Variants in SMOC2 observed in about 807,000 individuals in gnomAD.
SMOC2 encodes SPARC related modular calcium binding 2.
A neutral mutation model predicts 61.4 loss-of-function variants in SMOC2; 39 were observed. That is an observed-to-expected ratio of 0.64 (90% CI 0.49 to 0.83). SMOC2 has a LOEUF of 0.83. Ranked by LOEUF, SMOC2 falls within the 40% of genes least tolerant of loss-of-function variation. The pLI is 0.00. For missense variants in SMOC2, 556 were observed against 592.9 expected (o/e 0.94, Z 0.65); for synonymous variants, 247 against 239.9 (o/e 1.03, Z -0.27).
chr6:168,573,287 C>T (rs6907356), intron 7 of SMOC2, among the ~76,000 whole-genome samples: 7 of 41,890 alleles, frequency 1.7e-4, no homozygotes, highest in Admixed American at 2.1e-4. Flanking sequence ...GCGATGTTCA[C>T]TTCCTCCCCG....
chr6:168,617,759 A>T (rs1432868248), intron 9 of SMOC2, among the ~76,000 whole-genome samples: 1 of 152,222 alleles, frequency 6.6e-6, no homozygotes, highest in Non-Finnish European at 1.5e-5. Flanking sequence ...CTGGCTCCAG[A>T]TTAAATGTGA....
chr6:168,531,869 G>A (rs1314794968), intron 4 of SMOC2, among the ~76,000 whole-genome samples: 1 of 152,102 alleles, frequency 6.6e-6, no homozygotes. Context: ...AAAATTCTTG[G>A]GGCCTTGAAT....
chr6:168,558,754 T>C (rs1309170734), intron 7 of SMOC2, among the ~76,000 whole-genome samples: 1 of 152,110 alleles, frequency 6.6e-6, no homozygotes, highest in Non-Finnish European at 1.5e-5. Flanking sequence ...TGAATGTGTG[T>C]GTGTTTGTGC....
chr6:168,621,006 A>G (rs907269919), intron 9 of SMOC2, among the ~76,000 whole-genome samples: 2 of 149,878 alleles, frequency 1.3e-5, no homozygotes, highest in East Asian at 3.8e-4. Context: ...CTGGCTTGTG[A>G]TGAATAACCA....
chr6:168,579,154 A>G (rs1363338923), intron 7 of SMOC2, among the ~76,000 whole-genome samples: 1 of 152,240 alleles, frequency 6.6e-6, no homozygotes, highest in Non-Finnish European at 1.5e-5. Context: ...CCCAGGTCAC[A>G]CTGTGTCCTG....
chr6:168,518,691 T>C (rs1003118490), intron 2 of SMOC2, among the ~76,000 whole-genome samples: 5 of 149,828 alleles, frequency 3.3e-5, no homozygotes, highest in African/African-American at 4.9e-5. Context: ...TGTGAATGTG[T>C]ATGAGCGTGC....
At chr6:168,481,085 A>C (rs998657213) in intron 1 of SMOC2, among the ~76,000 whole-genome samples, 1 of 152,180 alleles carries the variant, frequency 6.6e-6, no homozygotes, top group African/African-American at 2.4e-5. Context: ...GAAATGCTAA[A>C]GGGAGTCCTG....
In SMOC2 at chr6:168,664,058, T is replaced by C; in HGVS notation, c.1286-16T>C. On this transcript the variant is annotated splice_polypyrimidine_tract_variant and intron_variant, in intron 11 of 12. Transcript: ENST00000356284. ...AGTCTCTGATTTTTAATAATATCTT[T>C]TTTTTTTCCTGCTAGCCCCCAGAGG... 1 of 1,594,594 alleles carries C rather than the reference T, an allele frequency of 6.3e-7. No homozygotes were observed. Among genetic ancestry groups the C allele is most frequent in the Non-Finnish European group, 8.5e-7 (1 of 1,172,474 alleles).
chr6:168,567,925 G>A lies in SMOC2; in HGVS notation c.637+18722G>A, dbSNP rs1429615416. ...AGGCAAAGACCGGATGGTGTGAGTC[G>A]GTGTCTCATATTAGAATTTAGTGCA... On this transcript the variant is annotated intron_variant, in intron 7 of 12. Transcript: ENST00000356284. 3.3e-5 allele frequency among the ~76,000 whole-genome samples: 5 copies of A among 151,362 alleles called. No homozygotes were observed. In the East Asian group the frequency reaches 5.8e-4, roughly 18 times the overall value.
At chr6:168,583,630 G>A (rs776523082) in intron 7 of SMOC2, among the ~76,000 whole-genome samples, 9 of 152,142 alleles carry the variant, frequency 5.9e-5, no homozygotes, top group Non-Finnish European at 1.2e-4. Context: ...AGAGGCACAC[G>A]AAAGCCGGGC....
chr6:168,511,158 G>A (rs1222458251), intron 2 of SMOC2, among the ~76,000 whole-genome samples: 1 of 152,186 alleles, frequency 6.6e-6, no homozygotes, highest in Non-Finnish European at 1.5e-5. Context: ...ATCTAAGTGT[G>A]TGTAAGTACA....
intron 7 of SMOC2, among the ~76,000 whole-genome samples, chr6:168,560,024 G>T (rs1428674151): frequency 1.3e-5 from 2 of 152,210 alleles, no homozygotes; most frequent in East Asian, 3.8e-4. Context: ...ATGGTGTGGT[G>T]CATGAATGTG....
chr6:168,527,400 CA>C, intron 3 of SMOC2, among the ~76,000 whole-genome samples: 1 of 152,348 alleles, frequency 6.6e-6, no homozygotes, highest in African/African-American at 2.4e-5. Flanking sequence ...GTCCAGCCCA[CA>C]CTAGCAGTCA....
chr6:168,643,724 C>T (rs1357909467), intron 9 of SMOC2, among the ~76,000 whole-genome samples: 5 of 152,222 alleles, frequency 3.3e-5, no homozygotes, highest in Non-Finnish European at 7.3e-5. Context: ...CTCTACCCCC[C>T]AGCAAGGTCA....
chr6:168,464,728 T>G (rs1781791668), intron 1 of SMOC2, among the ~76,000 whole-genome samples: 1 of 152,230 alleles, frequency 6.6e-6, no homozygotes, highest in South Asian at 2.1e-4. Flanking sequence ...ATAGTAATGT[T>G]TTGAAGGTTT....
At chr6:168,569,418 T>C (rs762537293) in intron 7 of SMOC2, among the ~76,000 whole-genome samples, 1 of 152,128 alleles carries the variant, frequency 6.6e-6, no homozygotes, top group Non-Finnish European at 1.5e-5. Context: ...TTTGTAGATA[T>C]ATTTTGGACA....
intron 7 of SMOC2, among the ~76,000 whole-genome samples, chr6:168,598,084 G>C (rs555710027): frequency 6.6e-6 from 1 of 152,358 alleles, no homozygotes; most frequent in African/African-American, 2.4e-5. Context: ...TGCACAGGCT[G>C]AGTATGAATA....
In SMOC2 at chr6:168,544,872, C is replaced by T. The variant is rs553492405; in HGVS notation, c.511+1200C>T. Reference sequence around the variant, plus strand: ...TGTCAGGCTTTCTGTCCAGAGGGTGCCTACCAAGGATGAGGCAGGACTGGC... The same window carrying T: ...TGTCAGGCTTTCTGTCCAGAGGGTGTCTACCAAGGATGAGGCAGGACTGGC... On this transcript the variant is annotated intron_variant, in intron 5 of 12. Coordinates refer to ENST00000356284, the MANE Select transcript of SMOC2 (RefSeq NM_001166412.2). The surrounding 1 kb of genome is among the most constrained non-coding windows in gnomAD (Gnocchi z 4.1). Among the ~76,000 whole-genome samples the T allele has an allele frequency of 2.0e-4, 31 of 152,144 alleles. No homozygotes were observed. Among genetic ancestry groups the T allele is most frequent in the South Asian group, 6.2e-4 (3 of 4,812 alleles).
At chr6:168,599,050 GGGT>G in intron 8 of SMOC2, 46 bp downstream of exon 8, 1 of 1,511,990 alleles carries the variant, frequency 6.6e-7, no homozygotes, top group East Asian at 2.5e-5. Context: ...GGAGGCTTTG[GGGT>G]GTGGAAGCCA....
Sources: allele counts gnomAD v4.1 joint callset (sites outside exome capture counted in the v4.1 genomes callset), GRCh38; gene constraint gnomAD v4.1.1; non-coding constraint Gnocchi (gnomAD v3.1); transcripts MANE v1.5; gene names NCBI Gene and HGNC (gene_info 2026-07-23, HGNC 2026-07-21).